The following EGFR variants were observed in gnomAD, a reference collection of about 807,000 sequenced individuals.
The protein encoded by EGFR is avian erythroblastic leukemia viral (v-erb-b) oncogene homolog.
Under a neutral mutation model 143.0 loss-of-function variants are expected in EGFR, and 58 were observed. The observed-to-expected ratio is 0.41, with a 90% CI of 0.33 to 0.50. The LOEUF (loss-of-function observed/expected upper bound fraction) is 0.50. Among genes scored for constraint, EGFR ranks in the 20% least tolerant of loss-of-function variants. The probability of loss-of-function intolerance (pLI) is 0.39; values close to 1 mark genes in which losing one functional copy is unlikely to be tolerated. For synonymous variants in EGFR, 613 were observed against 594.4 expected, an observed-to-expected ratio of 1.03 and a Z score of -0.45; for missense variants, 1,307 against 1,579.0, an observed-to-expected ratio of 0.83 and a Z score of 2.92.
intron 24 of EGFR, chr7:55,200,738 GC>G (rs1787811027): frequency 2.0e-6 from 1 of 500,890 alleles, no homozygotes. Flanking sequence ...GGCAGACGTG[GC>G]TTCACACCCC....
intron 1 of EGFR, among the ~76,000 whole-genome samples, chr7:55,113,613 T>C (rs1792652925): frequency 6.6e-6 from 1 of 152,232 alleles, no homozygotes; most frequent in African/African-American, 2.4e-5. Context: ...AAAAAAATCA[T>C]TGACAATCTC....
At chr7:55,198,609 A>G (rs1787718607) in intron 22 of EGFR, 108 bp from the exon 23 acceptor site, 4 of 1,536,630 alleles carry the variant, frequency 2.6e-6, no homozygotes, top group Non-Finnish European at 3.6e-6. Flanking sequence ...ACAGAAATGT[A>G]GGTTTCTAAA....
chr7:55,068,258 C>T (rs1789632419), intron 1 of EGFR, among the ~76,000 whole-genome samples: 1 of 152,178 alleles, frequency 6.6e-6, no homozygotes, highest in African/African-American at 2.4e-5. Context: ...TCCTCACCAT[C>T]CTTCTATTTC....
At chr7:55,156,278 A>G (rs1231987198) in intron 8 of EGFR, among the ~76,000 whole-genome samples, 2 of 152,204 alleles carry the variant, frequency 1.3e-5, no homozygotes, top group South Asian at 2.1e-4. Flanking sequence ...AGGAGAACGC[A>G]AGGTCAGTGT....
intron 5 of EGFR, among the ~76,000 whole-genome samples, chr7:55,151,928 C>T (rs1259539209): frequency 1.3e-5 from 2 of 152,210 alleles, no homozygotes; most frequent in Non-Finnish European, 2.9e-5. Context: ...AGTACCCCAG[C>T]CCTGTCCTCT....
intron 4 of EGFR, among the ~76,000 whole-genome samples, chr7:55,151,071 C>T (rs1393433833): frequency 6.6e-6 from 1 of 152,214 alleles, no homozygotes; most frequent in Admixed American, 6.5e-5. Flanking sequence ...TACTCTCTGC[C>T]TCAGTTTCCG....
In EGFR at chr7:55,077,501, AAAGT is replaced by A. The variant is rs565016197; in HGVS notation, c.88+58137_88+58140del. On this transcript the variant is annotated intron_variant, in intron 1 of 27. Transcript: ENST00000275493. Reference sequence around the variant, plus strand: ...TCCTCCTTTTTTTCTCTGACAGTGAAAAGTGTGTGTGTGTTGTGTGCCCTTTTGC... The same window carrying A: ...TCCTCCTTTTTTTCTCTGACAGTGAAGTGTGTGTGTTGTGTGCCCTTTTGC... 1.0e-3 allele frequency among the ~76,000 whole-genome samples: 158 copies of A among 152,330 alleles called. 1 individual carries two copies. The highest frequency in any genetic ancestry group is 2.3e-3 in the South Asian group (11 of 4,830).
At chr7:55,156,988 C>G (rs1267816457) in intron 10 of EGFR, 156 bp downstream of exon 10, 3 of 1,495,204 alleles carry the variant, frequency 2.0e-6, no homozygotes, top group Non-Finnish European at 2.7e-6. Flanking sequence ...AGTGCAGTTT[C>G]TCCTGCAGGC....
chr7:55,110,015 C>A, intron 1 of EGFR: 1 of 910,392 alleles, frequency 1.1e-6, no homozygotes, highest in Non-Finnish European at 1.3e-6. Flanking sequence ...ACAGCATAAA[C>A]ACACAGTGTA....
At chr7:55,133,547 A>T (rs1255355949) in intron 1 of EGFR, among the ~76,000 whole-genome samples, 1 of 152,142 alleles carries the variant, frequency 6.6e-6, no homozygotes, top group Non-Finnish European at 1.5e-5. Context: ...TGCCAACCCC[A>T]TTTAGGAATT....
intron 1 of EGFR, among the ~76,000 whole-genome samples, chr7:55,135,284 C>T (rs922100385): frequency 2.6e-5 from 4 of 151,754 alleles, no homozygotes; most frequent in Non-Finnish European, 4.4e-5. Context: ...TGCTTGTTAA[C>T]TTAATTAGAG....
chr7:55,061,905 A>C (rs1789206630), intron 1 of EGFR, among the ~76,000 whole-genome samples: 1 of 152,178 alleles, frequency 6.6e-6, no homozygotes, highest in African/African-American at 2.4e-5. Flanking sequence ...GGAGGTGAGC[A>C]GCTTAGGCTG....
intron 1 of EGFR, among the ~76,000 whole-genome samples, chr7:55,082,265 A>G (rs1790505095): frequency 6.6e-6 from 1 of 152,234 alleles, no homozygotes; most frequent in East Asian, 1.9e-4. Context: ...GAAAAAAGGT[A>G]GTCCTTGAAC....
At chr7:55,166,153 A>G (rs1328518531) in intron 15 of EGFR, 12 of 455,536 alleles carry the variant, frequency 2.6e-5, no homozygotes, top group Non-Finnish European at 5.0e-5. Flanking sequence ...CTCTGTCGCA[A>G]AAAACAAAAA....
Position 55,205,497 on chromosome 7 carries a change from C to T in EGFR, c.3513C>T (p.Asp1171=), listed in dbSNP as rs2128975499. Reference sequence around the variant, plus strand: ...ACCAAATTAGCCTGGACAACCCTGACTACCAGCAGGACTTCTTTCCCAAGG... The same window carrying T: ...ACCAAATTAGCCTGGACAACCCTGATTACCAGCAGGACTTCTTTCCCAAGG... ...GSHQISLDNP[D]YQQDFFPKEA... is the part of the protein sequence containing the mutation. Residue 1171 remains aspartate, a synonymous_variant, in exon 28 of 28, where the codon GAC becomes GAT. Transcript: ENST00000275493. The T allele has an allele frequency of 6.2e-7, 1 of 1,614,228 alleles. No individual in the cohort carries two copies. The highest frequency in any genetic ancestry group is 8.5e-7 in the Non-Finnish European group (1 of 1,180,038).
At chr7:55,020,812 C>A (rs970245374) in intron 1 of EGFR, among the ~76,000 whole-genome samples, 5 of 151,252 alleles carry the variant, frequency 3.3e-5, no homozygotes, top group African/African-American at 1.2e-4. Flanking sequence ...GTGCCCAGCG[C>A]GGTCGTTGGG....
chr7:55,139,709 A>T (rs1794350393), intron 1 of EGFR, among the ~76,000 whole-genome samples: 1 of 152,198 alleles, frequency 6.6e-6, no homozygotes. Flanking sequence ...AATTTTTTCC[A>T]TTATTAACAA....
At chr7:55,129,503 C>T (rs1793713172) in intron 1 of EGFR, among the ~76,000 whole-genome samples, 1 of 152,208 alleles carries the variant, frequency 6.6e-6, no homozygotes, top group Non-Finnish European at 1.5e-5. Flanking sequence ...CACTCCTAGT[C>T]ACTCAGAATG....
chr7:55,204,559 C>T (rs1788023170), intron 27 of EGFR, among the ~76,000 whole-genome samples: 1 of 136,622 alleles, frequency 7.3e-6, no homozygotes, highest in African/African-American at 2.8e-5. Flanking sequence ...CACATACACA[C>T]CACACACATA....
Sources: allele counts gnomAD v4.1 joint callset (sites outside exome capture counted in the v4.1 genomes callset), GRCh38; gene constraint gnomAD v4.1.1; transcripts MANE v1.5; gene names NCBI Gene and HGNC (gene_info 2026-07-23, HGNC 2026-07-21).